Variants in XKR9 observed in about 807,000 individuals in gnomAD.
XKR9 encodes XK-related protein 9.
A neutral mutation model predicts 32.0 loss-of-function variants in XKR9; 32 were observed. The ratio of observed to expected loss-of-function variants is 1.00; its 90% CI spans 0.76 to 1.34. The LOEUF is 1.34. Ranked by LOEUF, XKR9 falls within the 40% of genes most tolerant of loss-of-function variation. XKR9 has a pLI of 0.00. For missense variants in XKR9, 546 were observed against 429.7 expected (o/e 1.27, Z -2.39); for synonymous variants, 168 against 143.4 (o/e 1.17, Z -1.22).
At chr8:70,710,298 G>T (rs1805868137) in intron 4 of XKR9, among the ~76,000 whole-genome samples, 1 of 152,140 alleles carries the variant, frequency 6.6e-6, no homozygotes, top group South Asian at 2.1e-4. Flanking sequence ...ACTCAAGATG[G>T]ATTAAAGACT....
chr8:70,975,355 T>A, the XKR9 span, among the ~76,000 whole-genome samples: 1 of 152,242 alleles, frequency 6.6e-6, no homozygotes, highest in African/African-American at 2.4e-5. Context: ...GGTTTTCTTC[T>A]AGGGTTTTCA....
the XKR9 span, among the ~76,000 whole-genome samples, chr8:70,859,340 A>G: frequency 6.6e-6 from 1 of 152,160 alleles, no homozygotes; most frequent in Non-Finnish European, 1.5e-5. Flanking sequence ...TCAAAAAGAC[A>G]TTTTTGAAAT....
At chr8:70,977,751 C>G in the XKR9 span, among the ~76,000 whole-genome samples, 1 of 152,196 alleles carries the variant, frequency 6.6e-6, no homozygotes, top group African/African-American at 2.4e-5. Flanking sequence ...TCTATTAGGT[C>G]TGCTTGTTGC....
At chr8:70,888,139 C>T in the XKR9 span, among the ~76,000 whole-genome samples, 2 of 151,968 alleles carry the variant, frequency 1.3e-5, no homozygotes, top group African/African-American at 4.8e-5. Context: ...GTTATAAACA[C>T]TAGAACTTAT....
chr8:70,999,554 T>A, the XKR9 span, among the ~76,000 whole-genome samples: 2 of 152,212 alleles, frequency 1.3e-5, no homozygotes, highest in Non-Finnish European at 2.9e-5. Context: ...CAGACTTGGC[T>A]TCAGGGGGTC....
At chr8:70,789,421 A>C (rs1179936388) in exon 3 of XKR9, 1 of 152,102 alleles carries the variant, frequency 6.6e-6, no homozygotes, top group Non-Finnish European at 1.5e-5. Flanking sequence ...CTGCACAATC[A>C]TCAATCATTC....
At chr8:70,846,764 A>G in the XKR9 span, among the ~76,000 whole-genome samples, 3 of 152,092 alleles carry the variant, frequency 2.0e-5, no homozygotes, top group South Asian at 2.1e-4. Flanking sequence ...ATTTAAATAA[A>G]AATAGTGAAA....
Position 70,731,547 on chromosome 8 carries a change from G to A in XKR9, c.494-2249G>A, listed in dbSNP as rs566688768. Among the ~76,000 whole-genome samples the A allele has an allele frequency of 2.6e-4, 39 of 152,244 alleles. 1 individual carries two copies. The highest frequency in any genetic ancestry group is 8.5e-4 in the Admixed American group (13 of 15,286). ...ATGGGGAACTGAATTAACATTTTCC[G>A]TCTAGCAAAATACACGTAACAAAAC... On this transcript the variant is annotated intron_variant, in intron 4 of 4. Coordinates refer to ENST00000408926, the MANE Select transcript of XKR9 (RefSeq NM_001011720.2).
the XKR9 span, among the ~76,000 whole-genome samples, chr8:70,803,036 C>A: frequency 2.0e-5 from 3 of 152,252 alleles, no homozygotes; most frequent in South Asian, 4.1e-4. Context: ...ATGATATCCT[C>A]AAATATGTTT....
chr8:70,957,565 G>A, the XKR9 span, among the ~76,000 whole-genome samples: 4 of 152,008 alleles, frequency 2.6e-5, no homozygotes, highest in African/African-American at 9.7e-5. Flanking sequence ...GCCCCAGTGT[G>A]TATTGTTCCC....
At chr8:70,786,534 T>C (rs1807690566) in intron 2 of XKR9, among the ~76,000 whole-genome samples, 1 of 152,266 alleles carries the variant, frequency 6.6e-6, no homozygotes, top group African/African-American at 2.4e-5. Context: ...ATGTCCTTTT[T>C]TTGCTTCTTT....
At chr8:70,945,605 T>TA in the XKR9 span, among the ~76,000 whole-genome samples, 3 of 152,148 alleles carry the variant, frequency 2.0e-5, no homozygotes, top group Non-Finnish European at 4.4e-5. Flanking sequence ...CAAAGGCGTC[T>TA]AGACACTACC....
chr8:70,801,899 G>A, the XKR9 span, among the ~76,000 whole-genome samples: 4 of 150,830 alleles, frequency 2.7e-5, no homozygotes, highest in East Asian at 2.0e-4. Context: ...GAATTGAACT[G>A]TTTCCCATTG....
chr8:71,016,057 C>T, the XKR9 span, among the ~76,000 whole-genome samples: 1 of 151,400 alleles, frequency 6.6e-6, no homozygotes, highest in African/African-American at 2.4e-5. Flanking sequence ...GCTTAGCAAT[C>T]CATTTTCCCC....
the XKR9 span, among the ~76,000 whole-genome samples, chr8:70,812,019 G>A: frequency 1.3e-5 from 2 of 152,040 alleles, no homozygotes; most frequent in South Asian, 4.1e-4. Context: ...TATCCTTGAT[G>A]AACATTGATG....
intron 1 of XKR9, among the ~76,000 whole-genome samples, chr8:70,672,495 TA>T (rs1466470130): frequency 6.6e-6 from 1 of 152,254 alleles, no homozygotes; most frequent in Non-Finnish European, 1.5e-5. Context: ...GATGGACTTT[TA>T]GGTTGATTTC....
At chr8:70,925,817 T>A in the XKR9 span, among the ~76,000 whole-genome samples, 1 of 151,996 alleles carries the variant, frequency 6.6e-6, no homozygotes, top group South Asian at 2.1e-4. Flanking sequence ...ATGTAGGAAA[T>A]AACTGGGATA....
At chr8:70,865,441 G>T in the XKR9 span, among the ~76,000 whole-genome samples, 1 of 151,558 alleles carries the variant, frequency 6.6e-6, no homozygotes, top group African/African-American at 2.4e-5. Flanking sequence ...TATAGTTCCG[G>T]TGTAAGGTTC....
At chr8:71,039,617 G>T in the XKR9 span, among the ~76,000 whole-genome samples, 1 of 152,140 alleles carries the variant, frequency 6.6e-6, no homozygotes, top group Non-Finnish European at 1.5e-5. Flanking sequence ...GACAAAAAAA[G>T]ATAAAGTGAA....
Sources: allele counts gnomAD v4.1 joint callset (sites outside exome capture counted in the v4.1 genomes callset), GRCh38; gene constraint gnomAD v4.1.1; transcripts MANE v1.5; gene names NCBI Gene and HGNC (gene_info 2026-07-23, HGNC 2026-07-21).